The following CDK8 variants were observed in gnomAD, a reference collection of about 807,000 sequenced individuals.
CDK8 encodes cyclin dependent kinase 8.
CDK8 carries 29 observed loss-of-function variants against 71.5 expected under a neutral mutation model. The ratio of observed to expected loss-of-function variants is 0.41; its 90% CI spans 0.30 to 0.55. The LOEUF is 0.55. CDK8 is among the 20% of genes least tolerant of loss of function. CDK8 has a pLI of 0.37. For missense variants in CDK8, 288 were observed against 572.6 expected, an observed-to-expected ratio of 0.50 and a Z score of 5.07; for synonymous variants, 161 against 192.1, an observed-to-expected ratio of 0.84 and a Z score of 1.34.
chr13:26,299,061 CT>C (rs1294480162), intron 1 of CDK8, among the ~76,000 whole-genome samples: 2 of 152,168 alleles, frequency 1.3e-5, no homozygotes, highest in Non-Finnish European at 2.9e-5. Context: ...ACCATAAAGG[CT>C]AAGATCTTAG....
Position 26,369,131 on chromosome 13 carries a change from T to C in CDK8, c.457-13683T>C, listed in dbSNP as rs1246457178. Among the ~76,000 whole-genome samples, 19 of 152,164 alleles carry C rather than the reference T, an allele frequency of 1.2e-4. No homozygotes were observed. The East Asian group carries it at 3.7e-3, about 30-fold the overall frequency. Reference sequence around the variant, plus strand: ...GTATAATATAGGAATTATTTGTTCCTTGAAAGTTAGTAAAAGTCAGCCAGG... The same window carrying C: ...GTATAATATAGGAATTATTTGTTCCCTGAAAGTTAGTAAAAGTCAGCCAGG... On this transcript the variant is annotated intron_variant, in intron 4 of 12. Coordinates refer to ENST00000381527, the MANE Select transcript of CDK8 (RefSeq NM_001260.3).
intron 5 of CDK8, among the ~76,000 whole-genome samples, chr13:26,384,906 C>T (rs1875404017): frequency 6.6e-6 from 1 of 152,184 alleles, no homozygotes; most frequent in Admixed American, 6.5e-5. Context: ...AGCTCAACAA[C>T]CCTGTCCCTA....
chr13:26,275,804 T>C (rs971563742), intron 1 of CDK8, among the ~76,000 whole-genome samples: 5 of 152,194 alleles, frequency 3.3e-5, no homozygotes, highest in African/African-American at 1.2e-4. Flanking sequence ...ATGTTATATA[T>C]ATTAAGAGTT....
chr13:26,264,227 ATTTGGCATTTC>A (rs1203176441), intron 1 of CDK8, among the ~76,000 whole-genome samples: 1 of 152,008 alleles, frequency 6.6e-6, no homozygotes, highest in African/African-American at 2.4e-5. Flanking sequence ...TTATTTAAAT[ATTTGGCATTTC>A]ATTATGGTTT....
At position 26,357,483 on chromosome 13, in the gene CDK8, G is replaced by A. The variant is rs548954757; in HGVS notation, c.456+3603G>A. Among the ~76,000 whole-genome samples, 4 of 152,276 alleles carry A rather than the reference G, an allele frequency of 2.6e-5. No individual in the cohort carries two copies. In the South Asian group the frequency reaches 8.3e-4, roughly 32 times the overall value. On this transcript the variant is annotated intron_variant, in intron 4 of 12. Transcript: ENST00000381527. ...GAACAAAGTTATGTCTGTTAAGTTA[G>A]CTTTGCTCCTTCCCTTGATGACTCT...
At chr13:26,389,063 T>TG (rs1423447571) in intron 6 of CDK8, among the ~76,000 whole-genome samples, 1 of 152,216 alleles carries the variant, frequency 6.6e-6, no homozygotes, top group East Asian at 1.9e-4. Context: ...TCTATCACTC[T>TG]GGGGTGTGTT....
chr13:26,344,577 C>T (rs144730848), intron 2 of CDK8, among the ~76,000 whole-genome samples: 1,773 of 152,118 alleles, frequency 0.012, 49 homozygotes, highest in East Asian at 0.068. Flanking sequence ...CCAGCCTGGC[C>T]AACATGGCGA....
At chr13:26,298,606 A>C (rs555426896) in intron 1 of CDK8, among the ~76,000 whole-genome samples, 2 of 152,290 alleles carry the variant, frequency 1.3e-5, no homozygotes, top group East Asian at 3.9e-4. Flanking sequence ...GGAAAGGCTT[A>C]AGTCTAATGC....
chr13:26,274,807 A>G (rs894173828), intron 1 of CDK8, among the ~76,000 whole-genome samples: 1 of 152,020 alleles, frequency 6.6e-6, no homozygotes, highest in African/African-American at 2.4e-5. Context: ...TGTTGTAAGA[A>G]TTTCCAATTC....
At chr13:26,321,377 TA>T (rs1356859682) in intron 1 of CDK8, among the ~76,000 whole-genome samples, 4 of 152,140 alleles carry the variant, frequency 2.6e-5, no homozygotes, top group Non-Finnish European at 5.9e-5. Flanking sequence ...TGCTAGGAGC[TA>T]GGGGCATGGG....
Position 26,404,113 on chromosome 13 carries a change from C to G in CDK8, c.*32C>G. 1.2e-6 allele frequency: 2 copies of G among 1,611,458 alleles called. No individual in the cohort carries two copies. The highest frequency in any genetic ancestry group is 2.2e-5 in the South Asian group (2 of 90,802). The stretch of plus-strand genomic sequence containing the variant: ...TCGGAATCTTGTCCATGCACTGTTG[C>G]GAATGCTGCAGGGCTGACTGTGCAG... On this transcript the variant is annotated 3_prime_UTR_variant, in exon 13 of 13. Coordinates refer to ENST00000381527, the MANE Select transcript of CDK8 (RefSeq NM_001260.3).
At chr13:26,342,716 C>T (rs1261189441) in intron 2 of CDK8, among the ~76,000 whole-genome samples, 1 of 152,136 alleles carries the variant, frequency 6.6e-6, no homozygotes, top group Admixed American at 6.5e-5. Context: ...TAATATGTCT[C>T]CCTAAAAACA....
intron 4 of CDK8, among the ~76,000 whole-genome samples, chr13:26,356,507 A>G (rs1486671146): frequency 1.3e-5 from 2 of 152,192 alleles, no homozygotes; most frequent in African/African-American, 4.8e-5. Flanking sequence ...CCATTGTTTC[A>G]TGAAAATGAT....
At chr13:26,354,006 C>T in intron 4 of CDK8, 126 bp downstream of exon 4, 1 of 758,158 alleles carries the variant, frequency 1.3e-6, no homozygotes, top group Non-Finnish European at 2.2e-6. Flanking sequence ...AGAATGCTAC[C>T]TTCTCAAAAC....
chr13:26,353,507 C>T (rs1318246661), intron 3 of CDK8, among the ~76,000 whole-genome samples: 1 of 151,604 alleles, frequency 6.6e-6, no homozygotes, highest in Non-Finnish European at 1.5e-5. Context: ...TTTCTGATTC[C>T]CTATTGTGAT....
intron 2 of CDK8, among the ~76,000 whole-genome samples, chr13:26,345,919 G>C (rs977571096): frequency 6.6e-6 from 1 of 152,160 alleles, no homozygotes; most frequent in Non-Finnish European, 1.5e-5. Context: ...CCATGAGAAT[G>C]AATACATTAG....
intron 4 of CDK8, among the ~76,000 whole-genome samples, chr13:26,374,043 A>AAAG (rs147290719): frequency 8.9e-6 from 1 of 111,858 alleles, no homozygotes; most frequent in Admixed American, 1.1e-4. Flanking sequence ...AAAAACAAAA[A>AAAG]ACAAAAAATT....
At chr13:26,324,503 T>C (rs1874934326) in intron 1 of CDK8, among the ~76,000 whole-genome samples, 1 of 152,158 alleles carries the variant, frequency 6.6e-6, no homozygotes. Flanking sequence ...ACTTCAGAAA[T>C]GTTCAGGTGC....
At position 26,404,209 on chromosome 13, in the gene CDK8, C is replaced by A; in HGVS notation, c.*128C>A. 1 of 1,066,554 alleles carries A rather than the reference C, an allele frequency of 9.4e-7. No homozygotes were observed. The highest frequency in any genetic ancestry group is 1.3e-6 in the Non-Finnish European group (1 of 752,880). The allele number at this position is 1,066,554 out of a possible 1,614,324, so 66.1% of individuals were successfully genotyped here. A position where few individuals can be genotyped will look rare whatever the true frequency, so the allele number is the denominator to read the frequency against. On this transcript the variant is annotated 3_prime_UTR_variant, in exon 13 of 13. Coordinates refer to ENST00000381527, the MANE Select transcript of CDK8 (RefSeq NM_001260.3). ...CCACATCTTCAAAATGTCCAGTAGC[C>A]AAGTTCCACCACTTTTCACAGATTG...
Sources: gnomAD v4.1 joint callset for allele counts (sites outside exome capture counted in the v4.1 genomes callset) on GRCh38, gnomAD v4.1.1 for gene constraint, MANE v1.5 for transcripts, NCBI Gene and HGNC (gene_info 2026-07-23, HGNC 2026-07-21) for gene names.